Variants in ALLC observed in about 807,000 individuals in gnomAD.
The protein encoded by ALLC is allantoicase, also known as probable inactive allantoicase.
ALLC carries 40 observed loss-of-function variants against 45.0 expected under a neutral mutation model. The observed-to-expected ratio is 0.89, with a 90% CI of 0.69 to 1.16. ALLC has a LOEUF of 1.16. Ranked by LOEUF, ALLC falls within the 50% of genes most tolerant of loss-of-function variation. ALLC has a pLI of 0.00. For missense variants in ALLC, 488 were observed against 493.1 expected (o/e 0.99, Z 0.10); for synonymous variants, 176 against 178.1 (o/e 0.99, Z 0.09).
chr2:3,682,798 T>C (rs1244641891), intron 6 of ALLC, 144 bp from the exon 7 acceptor site: 1 of 792,922 alleles, frequency 1.3e-6, no homozygotes, highest in East Asian at 2.9e-5. Flanking sequence ...GTGCTGGGAT[T>C]ACAGGCGTGA....
chr2:3,675,599 TACAC>T (rs1001710125), intron 3 of ALLC, among the ~76,000 whole-genome samples: 2 of 147,902 alleles, frequency 1.4e-5, no homozygotes, highest in African/African-American at 5.2e-5. Flanking sequence ...TATATATATA[TACAC>T]ACACACACAT....
intron 10 of ALLC, 138 bp from the exon 11 acceptor site, chr2:3,701,374 A>AT: frequency 9.4e-7 from 1 of 1,062,880 alleles, no homozygotes; most frequent in Admixed American, 2.9e-5. Flanking sequence ...CACATACTTC[A>AT]TACCTTTGCT....
chr2:3,701,670 A>T (rs1265602687), intron 11 of ALLC, 34 bp downstream of exon 11: 10 of 1,597,258 alleles, frequency 6.3e-6, no homozygotes, highest in Non-Finnish European at 7.7e-6. Flanking sequence ...TCCAGCACTC[A>T]GACTGTGCTA....
the ALLC span, among the ~76,000 whole-genome samples, chr2:3,651,424 TGTGTGTGTGTGTGTGTGTTA>T: frequency 4.2e-4 from 24 of 57,354 alleles, no homozygotes; most frequent in African/African-American, 1.0e-3. Context: ...TGTGTGTGTG[TGTGTGTGTGTGTGTGTGTTA>T]GGAAGGGAGA....
chr2:3,678,727 C>T (rs539701911), intron 4 of ALLC, among the ~76,000 whole-genome samples, 172 bp downstream of exon 4: 3 of 152,268 alleles, frequency 2.0e-5, no homozygotes, highest in African/African-American at 4.8e-5. Flanking sequence ...GAAGGGGCAG[C>T]GTGAGCCCGG....
At chr2:3,646,776 C>G in the ALLC span, among the ~76,000 whole-genome samples, 1 of 152,212 alleles carries the variant, frequency 6.6e-6, no homozygotes, top group Non-Finnish European at 1.5e-5. Context: ...CTCACCCATG[C>G]ATTCATTTAC....
In ALLC at chr2:3,696,227, A is replaced by G. The variant is rs1667667339; in HGVS notation, c.668-48A>G. 6.1e-6 allele frequency: 9 copies of G among 1,463,616 alleles called. No homozygotes were observed. The East Asian group carries it at 1.6e-4, about 26-fold the overall frequency. 90.7% of individuals were successfully genotyped at this position (1,463,616 alleles called of 1,614,324 possible). A position where few individuals can be genotyped will look rare whatever the true frequency, so the allele number is the denominator to read the frequency against. On this transcript the variant is annotated intron_variant, in intron 8 of 11. Coordinates refer to ENST00000252505, the MANE Select transcript of ALLC (RefSeq NM_018436.4). Reference sequence around the variant, plus strand: ...TAATTACAGCAATGTATTCATCCTCATAGTTAAAATCATGCAGTTTACCAT... The same window carrying G: ...TAATTACAGCAATGTATTCATCCTCGTAGTTAAAATCATGCAGTTTACCAT...
At chr2:3,679,441 C>G (rs1245931613) in intron 4 of ALLC, among the ~76,000 whole-genome samples, 1 of 152,236 alleles carries the variant, frequency 6.6e-6, no homozygotes, top group African/African-American at 2.4e-5. Context: ...GCTCTGCTTA[C>G]TACCTGCTGA....
intron 1 of ALLC, among the ~76,000 whole-genome samples, chr2:3,659,865 A>C (rs1666527563): frequency 6.6e-6 from 1 of 152,242 alleles, no homozygotes; most frequent in Admixed American, 6.5e-5. Flanking sequence ...GAAACTTAGG[A>C]AAGACAAATG....
chr2:3,660,457 G>A (rs1247146907), intron 1 of ALLC, among the ~76,000 whole-genome samples: 1 of 152,076 alleles, frequency 6.6e-6, no homozygotes, highest in African/African-American at 2.4e-5. Context: ...TAAATTTTGC[G>A]ATATTTGGGG....
chr2:3,695,480 C>G (rs997945873), intron 7 of ALLC: 2 of 510,392 alleles, frequency 3.9e-6, no homozygotes, highest in Non-Finnish European at 6.9e-6. Context: ...TGAGGCCATG[C>G]CTTTAAGGTG....
upstream of ALLC, among the ~76,000 whole-genome samples, chr2:3,657,208 G>C (rs1199325696): frequency 4.7e-5 from 7 of 150,314 alleles, no homozygotes; most frequent in Non-Finnish European, 1.0e-4. Context: ...AACTACGGCT[G>C]GGTGGCGGGG....
At chr2:3,652,674 C>T in the ALLC span, among the ~76,000 whole-genome samples, 2 of 149,350 alleles carry the variant, frequency 1.3e-5, no homozygotes, top group Non-Finnish European at 3.0e-5. Flanking sequence ...ACTGCAGCCT[C>T]CCGGTTCAAG....
At chr2:3,686,212 C>A (rs900936569) in intron 7 of ALLC, among the ~76,000 whole-genome samples, 8 of 150,868 alleles carry the variant, frequency 5.3e-5, no homozygotes, top group African/African-American at 1.9e-4. Context: ...TCTAGTTTCC[C>A]CAGCACCATT....
At chr2:3,698,653 T>C (rs549513019) in intron 10 of ALLC, among the ~76,000 whole-genome samples, 13 of 152,372 alleles carry the variant, frequency 8.5e-5, no homozygotes, top group Admixed American at 7.2e-4. Context: ...TCTACAATTG[T>C]TATGTGACAT....
intron 3 of ALLC, among the ~76,000 whole-genome samples, chr2:3,678,135 C>T (rs1667074442): frequency 6.6e-6 from 1 of 152,214 alleles, no homozygotes; most frequent in African/African-American, 2.4e-5. Flanking sequence ...TCTGACCAGC[C>T]TCTCTCACTT....
At chr2:3,691,743 A>G (rs1357997249) in intron 7 of ALLC, among the ~76,000 whole-genome samples, 1 of 152,188 alleles carries the variant, frequency 6.6e-6, no homozygotes, top group Non-Finnish European at 1.5e-5. Context: ...CTCAACACCA[A>G]TAATTCTTAG....
intron 7 of ALLC, among the ~76,000 whole-genome samples, chr2:3,694,013 C>A (rs905863172): frequency 1.3e-5 from 2 of 151,912 alleles, no homozygotes; most frequent in Non-Finnish European, 2.9e-5. Flanking sequence ...AGAAAAAAAA[C>A]AAAAAACTGC....
chr2:3,649,536 C>T, the ALLC span, among the ~76,000 whole-genome samples: 7 of 152,276 alleles, frequency 4.6e-5, no homozygotes, highest in East Asian at 7.7e-4. Context: ...CCACCGCGCC[C>T]GGCCCCCAAA....
Sources: allele counts gnomAD v4.1 joint callset (sites outside exome capture counted in the v4.1 genomes callset), GRCh38; gene constraint gnomAD v4.1.1; transcripts MANE v1.5; gene names NCBI Gene and HGNC (gene_info 2026-07-23, HGNC 2026-07-21).